Variants in RAD51B observed in about 807,000 individuals in gnomAD.
RAD51B encodes the protein DNA repair protein RAD51 homolog 2.
Under a neutral mutation model 42.2 loss-of-function variants are expected in RAD51B, and 38 were observed. The observed-to-expected ratio is 0.90, with a 90% confidence interval of 0.70 to 1.18. The LOEUF is 1.18. RAD51B is among the 50% of genes most tolerant of loss of function. The pLI is 0.00. For synonymous variants in RAD51B, 154 were observed against 145.2 expected, an observed-to-expected ratio of 1.06 and a Z score of -0.43; for missense variants, 373 against 400.7, an observed-to-expected ratio of 0.93 and a Z score of 0.59.
At chr14:68,326,056 T>TG (rs2082246341) in intron 8 of RAD51B, among the ~76,000 whole-genome samples, 1 of 110,872 alleles carries the variant, frequency 9.0e-6, no homozygotes, top group African/African-American at 2.9e-5. Context: ...TTTTTTTTTT[T>TG]TGAGACGGAG....
chr14:68,619,318 C>CA (rs33973826), intron 10 of RAD51B, among the ~76,000 whole-genome samples: 42,719 of 151,500 alleles, frequency 0.28, 6,355 homozygotes, highest in East Asian at 0.51. Flanking sequence ...ACTAAAAATA[C>CA]AAAAAAATTA....
chr14:68,216,774 G>A (rs939704533), intron 7 of RAD51B, among the ~76,000 whole-genome samples: 2 of 152,298 alleles, frequency 1.3e-5, no homozygotes, highest in East Asian at 3.9e-4. Flanking sequence ...TAGGAGGGGT[G>A]TAAATACTTG....
chr14:68,464,607 A>G (rs1472147601), intron 9 of RAD51B, among the ~76,000 whole-genome samples: 2 of 152,208 alleles, frequency 1.3e-5, no homozygotes, highest in Non-Finnish European at 2.9e-5. Context: ...CCAGGTTACT[A>G]CTGACCTTTT....
At chr14:68,301,598 T>G (rs1408048704) in intron 8 of RAD51B, among the ~76,000 whole-genome samples, 42 of 36,118 alleles carry the variant, frequency 1.2e-3, no homozygotes, top group South Asian at 4.1e-3. Context: ...GTGTGTTTTT[T>G]TTTTTTTTTT....
chr14:68,621,055 C>T (rs868251795), intron 10 of RAD51B, among the ~76,000 whole-genome samples: 1 of 152,210 alleles, frequency 6.6e-6, no homozygotes, highest in African/African-American at 2.4e-5. Context: ...CCTTGGCAAT[C>T]CCTGCCTAAG....
intron 7 of RAD51B, among the ~76,000 whole-genome samples, chr14:67,980,786 A>G (rs952536763): frequency 6.6e-5 from 10 of 152,204 alleles, no homozygotes; most frequent in African/African-American, 2.2e-4. Flanking sequence ...AACTCCTTAA[A>G]GAATACATAG....
chr14:67,875,912 A>G (rs1268644032), intron 5 of RAD51B, among the ~76,000 whole-genome samples: 1 of 152,178 alleles, frequency 6.6e-6, no homozygotes, highest in African/African-American at 2.4e-5. Context: ...TAAATTTGGA[A>G]TCTTTGACCC....
chr14:68,678,216 G>C (rs1313339779), intron 11 of RAD51B, among the ~76,000 whole-genome samples: 1 of 152,118 alleles, frequency 6.6e-6, no homozygotes. Flanking sequence ...CATGTCGGCT[G>C]GTCCATGGCC....
chr14:68,388,094 A>T (rs200495543), intron 8 of RAD51B, among the ~76,000 whole-genome samples: 2,562 of 118,890 alleles, frequency 0.022, 60 homozygotes, highest in African/African-American at 0.044. Context: ...ATATATATAT[A>T]TTTTTTTTTT....
intron 10 of RAD51B, among the ~76,000 whole-genome samples, chr14:68,592,287 A>G (rs2257009): frequency 0.03 from 3,937 of 133,004 alleles, 181 homozygotes; most frequent in African/African-American, 0.11. Flanking sequence ...GTGTGTGTGT[A>G]TGTGTGTGTA....
At chr14:67,941,714 A>G (rs1566970163) in intron 7 of RAD51B, among the ~76,000 whole-genome samples, 1 of 152,194 alleles carries the variant, frequency 6.6e-6, no homozygotes, top group East Asian at 1.9e-4. Context: ...ACATAGAGAT[A>G]TAGCACAGTA....
intron 8 of RAD51B, among the ~76,000 whole-genome samples, chr14:68,402,858 A>G (rs2084151463): frequency 6.6e-6 from 1 of 152,190 alleles, no homozygotes; most frequent in East Asian, 1.9e-4. Flanking sequence ...TGGATGAGGA[A>G]ACTGAGGCTC....
chr14:68,621,970 G>C (rs1414194642), intron 10 of RAD51B, among the ~76,000 whole-genome samples: 1 of 152,138 alleles, frequency 6.6e-6, no homozygotes, highest in Non-Finnish European at 1.5e-5. Context: ...GTGGCAGATG[G>C]GTCAGCACAG....
intron 11 of RAD51B, among the ~76,000 whole-genome samples, chr14:68,671,409 T>C (rs1045929236): frequency 6.6e-6 from 1 of 152,172 alleles, no homozygotes; most frequent in Non-Finnish European, 1.5e-5. Flanking sequence ...CCCTCCCCTA[T>C]GTGGATTCAC....
At chr14:68,441,142 C>G (rs1185361539) in intron 9 of RAD51B, among the ~76,000 whole-genome samples, 2 of 152,210 alleles carry the variant, frequency 1.3e-5, no homozygotes, top group Non-Finnish European at 2.9e-5. Flanking sequence ...TTAGTTCTTT[C>G]TTCTGACCAA....
At chr14:68,400,236 C>A (rs542791276) in intron 8 of RAD51B, among the ~76,000 whole-genome samples, 1 of 152,276 alleles carries the variant, frequency 6.6e-6, no homozygotes, top group South Asian at 2.1e-4. Flanking sequence ...TCTCCTTGTC[C>A]CAAAGTACTT....
intron 10 of RAD51B, among the ~76,000 whole-genome samples, chr14:68,545,300 A>C (rs188192900): frequency 3.5e-4 from 53 of 152,386 alleles, no homozygotes; most frequent in Middle Eastern, 3.4e-3. Context: ...CTGGCTGCCC[A>C]CTTGGCAGTG....
intron 8 of RAD51B, among the ~76,000 whole-genome samples, chr14:68,315,056 C>G: frequency 6.6e-6 from 1 of 152,196 alleles, no homozygotes; most frequent in East Asian, 1.9e-4. Flanking sequence ...TTGTCAGTCC[C>G]TCATCCTGTG....
At chr14:68,302,338 G>A (rs1249154724) in intron 8 of RAD51B, among the ~76,000 whole-genome samples, 1 of 152,216 alleles carries the variant, frequency 6.6e-6, no homozygotes, top group East Asian at 1.9e-4. Context: ...GGTTTGGGAT[G>A]TTTTTGGGGA....
Sources: allele counts gnomAD v4.1 joint callset (sites outside exome capture counted in the v4.1 genomes callset), GRCh38; gene constraint gnomAD v4.1.1; transcripts MANE v1.5; gene names NCBI Gene and HGNC (gene_info 2026-07-23, HGNC 2026-07-21).